The following MORN1 variants were observed in gnomAD, a reference collection of about 807,000 sequenced individuals.
MORN1 encodes the protein MORN repeat-containing protein 1.
In MORN1, 67 loss-of-function variants were observed where a neutral mutation model predicts 61.9. The observed-to-expected ratio is 1.08, with a 90% CI of 0.89 to 1.33. The LOEUF (loss-of-function observed/expected upper bound fraction) is 1.33, where lower values mean the gene tolerates loss of function less well. MORN1 is among the 40% of genes most tolerant of loss of function. MORN1 has a pLI of 0.00. For missense variants in MORN1, 752 were observed against 691.2 expected (o/e 1.09, Z -0.99); for synonymous variants, 301 against 292.0 (o/e 1.03, Z -0.31).
chr1:2,332,725 A>G (rs779113074), intron 12 of MORN1: 1 of 456,404 alleles, frequency 2.2e-6, no homozygotes, highest in South Asian at 1.5e-5. Context: ...AGCAGCCAGG[A>G]GAACCCTTTG....
At chr1:2,347,982 A>G (rs1313620917) in intron 10 of MORN1, among the ~76,000 whole-genome samples, 1 of 152,202 alleles carries the variant, frequency 6.6e-6, no homozygotes, top group Non-Finnish European at 1.5e-5. Flanking sequence ...CACGTAACCC[A>G]GCACAGCCGT....
At chr1:2,382,367 G>T (rs1483607978) in intron 6 of MORN1, among the ~76,000 whole-genome samples, 1 of 152,204 alleles carries the variant, frequency 6.6e-6, no homozygotes, top group Non-Finnish European at 1.5e-5. Flanking sequence ...CCTCACCTAT[G>T]CCCTGCTCGG....
intron 10 of MORN1, among the ~76,000 whole-genome samples, chr1:2,341,521 T>C (rs1641394421): frequency 6.6e-6 from 1 of 151,716 alleles, no homozygotes; most frequent in Non-Finnish European, 1.5e-5. Flanking sequence ...TGAAACCCCG[T>C]CTCTACTAAA....
chr1:2,351,788 G>A (rs560964847), intron 10 of MORN1: 12 of 564,114 alleles, frequency 2.1e-5, no homozygotes, highest in Admixed American at 9.9e-5. Flanking sequence ...TGAAGACTCG[G>A]CCATCTTGTA....
At chr1:2,381,236 C>T (rs1472165279) in intron 6 of MORN1, among the ~76,000 whole-genome samples, 1 of 152,266 alleles carries the variant, frequency 6.6e-6, no homozygotes, top group Non-Finnish European at 1.5e-5. Context: ...CGGCCCAGTC[C>T]TGACCTGAGG....
intron 2 of MORN1, 191 bp from the exon 3 acceptor site, chr1:2,388,528 G>A: frequency 1.8e-6 from 1 of 555,216 alleles, no homozygotes; most frequent in Admixed American, 3.2e-5. Flanking sequence ...AAACACGCTT[G>A]AGCGGCCGGC....
At chr1:2,325,451 A>C (rs1641006613) in intron 12 of MORN1, among the ~76,000 whole-genome samples, 1 of 151,188 alleles carries the variant, frequency 6.6e-6, no homozygotes, top group African/African-American at 2.4e-5. Flanking sequence ...AGCTGGGACC[A>C]CAGGAGTGTG....
chr1:2,324,006 T>A (rs2100216530), intron 13 of MORN1, 91 bp downstream of exon 13: 2 of 1,473,768 alleles, frequency 1.4e-6, no homozygotes, highest in South Asian at 1.3e-5. Context: ...CCGGGCCGAG[T>A]TCCCCCAACC....
chr1:2,333,238 C>T (rs1027005378), intron 12 of MORN1, among the ~76,000 whole-genome samples: 7 of 152,354 alleles, frequency 4.6e-5, no homozygotes, highest in East Asian at 1.9e-4. Flanking sequence ...AGGGCCTGGG[C>T]TGGCCCCGCT....
Position 2,357,711 on chromosome 1 carries a change from G to C in MORN1, c.870-113C>G, listed in dbSNP as rs532342286. The C allele has an allele frequency of 4.7e-6, 6 of 1,286,318 alleles. No individual in the cohort carries two copies. The South Asian group carries it at 1.1e-4, about 23-fold the overall frequency. The allele number at this position is 1,286,318 out of a possible 1,614,324, so 79.7% of individuals were successfully genotyped here. On this transcript the variant is annotated intron_variant, in intron 9 of 13. Coordinates refer to ENST00000378531, the MANE Select transcript of MORN1 (RefSeq NM_024848.3). The surrounding 1 kb of genome is among the most constrained non-coding windows in gnomAD (Gnocchi z 6.3). Reference sequence around the variant, plus strand: ...GGGACTTGCCTACACTGAGTCCAGGGAGCGCTACTCAGCCTCTCTGGGAGG... The same window carrying C: ...GGGACTTGCCTACACTGAGTCCAGGCAGCGCTACTCAGCCTCTCTGGGAGG...
At chr1:2,343,962 G>T (rs913222570) in intron 10 of MORN1, among the ~76,000 whole-genome samples, 2 of 151,750 alleles carry the variant, frequency 1.3e-5, no homozygotes. Flanking sequence ...TGACTGAGGC[G>T]GGACTGGGCC....
chr1:2,329,811 T>G (rs1219775911), intron 12 of MORN1, among the ~76,000 whole-genome samples: 1 of 152,212 alleles, frequency 6.6e-6, no homozygotes, highest in Non-Finnish European at 1.5e-5. Context: ...CTGGGCCCCG[T>G]GCAGGTACAG....
At chr1:2,325,438 A>C (rs1224851830) in intron 12 of MORN1, among the ~76,000 whole-genome samples, 1 of 150,784 alleles carries the variant, frequency 6.6e-6, no homozygotes, top group Non-Finnish European at 1.5e-5. Context: ...TAGCCTTCCA[A>C]GGAGCTGGGA....
chr1:2,370,201 G>C (rs1039688380), intron 8 of MORN1, among the ~76,000 whole-genome samples: 3 of 152,164 alleles, frequency 2.0e-5, no homozygotes, highest in Admixed American at 6.5e-5. Context: ...TGACTCTTAG[G>C]GCTGACTGAT....
intron 7 of MORN1, among the ~76,000 whole-genome samples, chr1:2,373,290 G>A (rs1308091008): frequency 6.6e-6 from 1 of 152,252 alleles, no homozygotes; most frequent in African/African-American, 2.4e-5. Flanking sequence ...GGTGGCGGGT[G>A]CCCCGGACTT....
intron 10 of MORN1, among the ~76,000 whole-genome samples, chr1:2,347,975 G>C (rs187404371): frequency 2.2e-4 from 34 of 152,174 alleles, no homozygotes. Flanking sequence ...TTCGCCTCAC[G>C]TAACCCAGCA....
At chr1:2,331,470 G>A (rs1295796632) in intron 12 of MORN1, among the ~76,000 whole-genome samples, 1 of 152,220 alleles carries the variant, frequency 6.6e-6, no homozygotes, top group Non-Finnish European at 1.5e-5. Flanking sequence ...CTCTGGCTGT[G>A]TCTGTAGGGC....
intron 11 of MORN1, 37 bp from the exon 12 acceptor site, chr1:2,336,585 G>A (rs752020905): frequency 6.2e-7 from 1 of 1,609,706 alleles, no homozygotes; most frequent in Non-Finnish European, 8.5e-7. Flanking sequence ...AGAAGGAAAG[G>A]CTCAGAAGGT....
chr1:2,387,281 G>C (rs1227508662), intron 4 of MORN1, 138 bp downstream of exon 4: 3 of 708,492 alleles, frequency 4.2e-6, no homozygotes, highest in Non-Finnish European at 7.6e-6. Flanking sequence ...GGAGAAGAGG[G>C]CATGGGCCCC....
Sources: gnomAD v4.1 joint callset for allele counts (sites outside exome capture counted in the v4.1 genomes callset) on GRCh38, gnomAD v4.1.1 for gene constraint, Gnocchi (gnomAD v3.1) non-coding constraint, MANE v1.5 for transcripts, NCBI Gene and HGNC (gene_info 2026-07-23, HGNC 2026-07-21) for gene names.